MCOLN2: variants seen among roughly 807,000 people sequenced by gnomAD.
The protein encoded by MCOLN2 is mucolipin TRP cation channel 2.
In MCOLN2, 57 loss-of-function variants were observed where a neutral mutation model predicts 67.5. The observed-to-expected ratio is 0.84, with a 90% confidence interval of 0.68 to 1.05. The LOEUF is 1.05. Ranked by LOEUF, MCOLN2 falls within the 50% of genes least tolerant of loss-of-function variation. The pLI, the probability that MCOLN2 is intolerant of heterozygous loss-of-function variation, is 0.00. For missense variants in MCOLN2, 620 were observed against 678.8 expected, an observed-to-expected ratio of 0.91 and a Z score of 0.96; for synonymous variants, 246 against 233.3, an observed-to-expected ratio of 1.05 and a Z score of -0.50.
chr1:84,974,509 G>C (rs1275457900), intron 1 of MCOLN2, among the ~76,000 whole-genome samples: 9 of 151,890 alleles, frequency 5.9e-5, no homozygotes, highest in Non-Finnish European at 8.8e-5. Context: ...CTAGCTCCTG[G>C]GCAACACTTC....
At chr1:84,987,455 C>T (rs11803061) in intron 1 of MCOLN2, among the ~76,000 whole-genome samples, 6 of 97,440 alleles carry the variant, frequency 6.2e-5, no homozygotes, top group African/African-American at 2.7e-4. Flanking sequence ...TACATATATA[C>T]ATATATGTAT....
chr1:84,954,947 T>C (rs774722535), intron 4 of MCOLN2, among the ~76,000 whole-genome samples: 64 of 152,256 alleles, frequency 4.2e-4, no homozygotes, highest in African/African-American at 1.5e-3. Context: ...GAGGGTGATA[T>C]GGTTTGTCTG....
intron 1 of MCOLN2, among the ~76,000 whole-genome samples, chr1:84,990,395 T>A (rs1650833237): frequency 6.8e-6 from 1 of 147,704 alleles, no homozygotes; most frequent in Admixed American, 6.8e-5. Context: ...CATATGTAAC[T>A]AACTTGCACA....
intron 11 of MCOLN2, among the ~76,000 whole-genome samples, chr1:84,935,165 T>C (rs185697049): frequency 6.6e-6 from 1 of 152,218 alleles, no homozygotes; most frequent in African/African-American, 2.4e-5. Flanking sequence ...GGGGAAAGGA[T>C]GCAAGGGGCA....
chr1:84,941,147 TC>T (rs1250977313), intron 7 of MCOLN2, among the ~76,000 whole-genome samples, 156 bp from the exon 8 acceptor site: 1 of 152,200 alleles, frequency 6.6e-6, no homozygotes, highest in East Asian at 1.9e-4. Context: ...CCGCATTCAT[TC>T]AGAAGTACAT....
At chr1:84,929,729 T>TG (rs771998009) in intron 12 of MCOLN2, 50 bp from the exon 13 acceptor site, 3 of 1,574,742 alleles carry the variant, frequency 1.9e-6, no homozygotes, top group African/African-American at 1.4e-5. Flanking sequence ...CATGAGAAAT[T>TG]GCTCTTTTGT....
intron 2 of MCOLN2, among the ~76,000 whole-genome samples, chr1:84,963,580 C>A (rs566249021): frequency 6.6e-5 from 10 of 152,302 alleles, no homozygotes; most frequent in Admixed American, 6.5e-4. Flanking sequence ...CTCCTGGTGA[C>A]AGGTGACTAG....
intron 7 of MCOLN2, among the ~76,000 whole-genome samples, chr1:84,943,203 C>T (rs1347306457): frequency 1.3e-5 from 2 of 151,990 alleles, no homozygotes; most frequent in African/African-American, 2.4e-5. Flanking sequence ...GGCACAGAAT[C>T]GTAAGAGATG....
intron 11 of MCOLN2, 180 bp downstream of exon 11, chr1:84,937,575 C>T (rs1001535251): frequency 8.7e-6 from 12 of 1,382,550 alleles, no homozygotes; most frequent in Non-Finnish European, 1.1e-5. Flanking sequence ...TTTCAATATC[C>T]TGTAGTCACT....
chr1:84,993,587 T>C (rs1650996865), intron 1 of MCOLN2, among the ~76,000 whole-genome samples: 1 of 151,422 alleles, frequency 6.6e-6, no homozygotes, highest in Non-Finnish European at 1.5e-5. Flanking sequence ...TGGCAACCTA[T>C]AATGTTACAA....
rs367800386 is a variant in MCOLN2 at position 84,937,748 on chromosome 1, T to C, written c.1335+7A>G. The C allele has an allele frequency of 6.2e-6, 10 of 1,614,002 alleles. No individual in the cohort carries two copies. In the African/African-American group the frequency reaches 1.2e-4, roughly 19 times the overall value. On this transcript the variant is annotated splice_region_variant and intron_variant, in intron 11 of 13. Coordinates refer to ENST00000370608, the MANE Select transcript of MCOLN2 (RefSeq NM_153259.4). ...CATCTGCAGAAGGAAGAATGTGAGC[T>C]ACACACCTTGTCATGGTATGGTCCT... is the stretch of plus-strand genomic sequence containing the variant.
intron 1 of MCOLN2, among the ~76,000 whole-genome samples, chr1:84,996,377 A>G (rs1651147577): frequency 7.3e-6 from 1 of 136,098 alleles, no homozygotes; most frequent in Non-Finnish European, 1.6e-5. Flanking sequence ...ACACACTTAC[A>G]CATACGTATA....
chr1:84,982,989 A>AT (rs1650334293), intron 1 of MCOLN2, among the ~76,000 whole-genome samples: 1 of 152,002 alleles, frequency 6.6e-6, no homozygotes, highest in Non-Finnish European at 1.5e-5. Flanking sequence ...AAGTGTTGGG[A>AT]TTACAGGGGT....
At chr1:84,932,011 G>C (rs561680009) in intron 11 of MCOLN2, among the ~76,000 whole-genome samples, 13 of 148,430 alleles carry the variant, frequency 8.8e-5, no homozygotes, top group Admixed American at 2.0e-4. Flanking sequence ...GGGACACAGC[G>C]AGACCCTGTC....
chr1:84,996,393 CATATAT>C (rs6143310), intron 1 of MCOLN2, among the ~76,000 whole-genome samples: 1,536 of 123,868 alleles, frequency 0.012, 59 homozygotes, highest in African/African-American at 0.047. Context: ...GTATATATTT[CATATAT>C]ATATATATAT....
In MCOLN2 at chr1:84,940,971, C is replaced by T. The variant is rs1406991148; in HGVS notation, c.868G>A (p.Val290Ile). 6.2e-7 allele frequency: 1 copy of T among 1,612,332 alleles called. No individual in the cohort carries two copies. The highest frequency in any genetic ancestry group is 8.5e-7 in the Non-Finnish European group (1 of 1,178,770). Reference protein sequence around the residue: ...FGSTQKNAQYVLVFDAFVIVI... With the variant: ...FGSTQKNAQYILVFDAFVIVI... ...ATGACAAATGCATCAAACACCAGGACATACTGAGCATTTTTCTGAGCTGAG... is the reference window on the plus strand; with the variant it reads ...ATGACAAATGCATCAAACACCAGGATATACTGAGCATTTTTCTGAGCTGAG... The change falls in exon 8 of 14, where the codon GTC becomes ATC. Residue 290 changes from valine (V) to isoleucine (I), a missense_variant. Transcript: ENST00000370608.
chr1:84,931,292 G>A (rs145642896), intron 12 of MCOLN2, 70 bp downstream of exon 12: 3 of 957,990 alleles, frequency 3.1e-6, no homozygotes, highest in Non-Finnish European at 4.9e-6. Context: ...TTTTTAAAAT[G>A]TGGTATTTTC....
At chr1:84,933,624 C>G (rs577339092) in intron 11 of MCOLN2, among the ~76,000 whole-genome samples, 12 of 152,332 alleles carry the variant, frequency 7.9e-5, no homozygotes, top group Admixed American at 3.3e-4. Context: ...TCAACTACAA[C>G]TCTGACAGCA....
At chr1:84,995,923 G>A (rs1651126616) in intron 1 of MCOLN2, among the ~76,000 whole-genome samples, 1 of 152,036 alleles carries the variant, frequency 6.6e-6, no homozygotes, top group Non-Finnish European at 1.5e-5. Context: ...TTGGTATTAT[G>A]ATGGCCTCTG....
Sources: allele counts gnomAD v4.1 joint callset (sites outside exome capture counted in the v4.1 genomes callset), GRCh38; gene constraint gnomAD v4.1.1; transcripts MANE v1.5; gene names NCBI Gene and HGNC (gene_info 2026-07-23, HGNC 2026-07-21).